DENND1A: variants seen among roughly 807,000 people sequenced by gnomAD.
DENND1A encodes DENN domain containing 1A, also known as DENN domain-containing protein 1A.
Under a neutral mutation model 113.7 loss-of-function variants are expected in DENND1A, and 51 were observed. That is an observed-to-expected ratio of 0.45 (90% CI 0.36 to 0.57). The LOEUF is 0.57. Ranked by LOEUF, DENND1A falls within the 20% of genes least tolerant of loss-of-function variation. The pLI is 0.00. For missense variants in DENND1A, 1,258 were observed against 1,395.9 expected, an observed-to-expected ratio of 0.90 and a Z score of 1.57; for synonymous variants, 565 against 570.8, an observed-to-expected ratio of 0.99 and a Z score of 0.14.
intron 1 of DENND1A, among the ~76,000 whole-genome samples, chr9:123,903,525 C>A (rs981234135): frequency 3.9e-5 from 6 of 151,994 alleles, no homozygotes; most frequent in Admixed American, 1.3e-4. Context: ...GCACCGTGCA[C>A]GAGCTGAAGC....
At chr9:123,839,121 G>A (rs1222576121) in intron 2 of DENND1A, among the ~76,000 whole-genome samples, 1 of 152,200 alleles carries the variant, frequency 6.6e-6, no homozygotes, top group Non-Finnish European at 1.5e-5. Flanking sequence ...AAAAGTGTCT[G>A]TTAACGGTGG....
At chr9:123,674,671 A>C (rs943964132) in intron 6 of DENND1A, among the ~76,000 whole-genome samples, 10 of 152,202 alleles carry the variant, frequency 6.6e-5, no homozygotes, top group African/African-American at 1.2e-4. Context: ...CCGACATCCC[A>C]AGAGGCAGAG....
intron 12 of DENND1A, 92 bp downstream of exon 12, chr9:123,583,077 G>T: frequency 3.2e-6 from 3 of 931,932 alleles, no homozygotes; most frequent in Non-Finnish European, 4.9e-6. Context: ...GAAAACCCTC[G>T]CTATTTCCCC....
intron 5 of DENND1A, among the ~76,000 whole-genome samples, chr9:123,748,712 A>G (rs2069740613): frequency 6.6e-6 from 1 of 152,218 alleles, no homozygotes; most frequent in Non-Finnish European, 1.5e-5. Context: ...GGCTCAGATA[A>G]ATGCCTTCTG....
At chr9:123,552,019 GAGAGAGAGAGAGAGAGAGAC>G (rs1478364031) in intron 13 of DENND1A, among the ~76,000 whole-genome samples, 1 of 124,220 alleles carries the variant, frequency 8.1e-6, no homozygotes, top group Admixed American at 7.4e-5. Context: ...GAGCGAGAGC[GAGAGAGAGAGAGAGAGAGAC>G]AGAGAGAGAG....
At chr9:123,481,137 A>G (rs555403120) in intron 13 of DENND1A, among the ~76,000 whole-genome samples, 1 of 152,354 alleles carries the variant, frequency 6.6e-6, no homozygotes, top group Non-Finnish European at 1.5e-5. Context: ...CAGCATGTTC[A>G]TGCAGAGAAG....
chr9:123,852,813 G>A (rs936179597), intron 2 of DENND1A, among the ~76,000 whole-genome samples: 1 of 151,978 alleles, frequency 6.6e-6, no homozygotes, highest in African/African-American at 2.4e-5. Context: ...GCCTGACACA[G>A]CTCAAAAACA....
intron 5 of DENND1A, among the ~76,000 whole-genome samples, chr9:123,680,951 T>C (rs1449765169): frequency 6.6e-6 from 1 of 151,888 alleles, no homozygotes. Context: ...CAGACTCAGG[T>C]GAGGGGAGGA....
In DENND1A at chr9:123,907,530, C is replaced by T. The variant is rs879297425; in HGVS notation, c.17+22359G>A. Among the ~76,000 whole-genome samples the T allele has an allele frequency of 2.2e-5, 3 of 139,516 alleles. No individual in the cohort carries two copies. In the East Asian group the frequency reaches 6.6e-4, roughly 31 times the overall value. The allele number at this position is 139,516 out of a possible 152,430, so 91.5% of individuals were successfully genotyped here. A position where few individuals can be genotyped will look rare whatever the true frequency, so the allele number is the denominator to read the frequency against. On this transcript the variant is annotated intron_variant, in intron 1 of 23. Coordinates refer to ENST00000394215, the MANE Select transcript of DENND1A (RefSeq NM_001352964.2). ...ATACAAAATCAATGTACAAAAATCA[C>T]AAGCATTCTTATACACCAATAACAG...
chr9:123,492,520 A>C (rs2051464340), intron 13 of DENND1A: 1 of 152,314 alleles, frequency 6.6e-6, no homozygotes, highest in Non-Finnish European at 1.5e-5. Flanking sequence ...CCAGGTTGTG[A>C]AGGTCTTGGA....
chr9:123,460,647 C>G (rs573617356), intron 13 of DENND1A, among the ~76,000 whole-genome samples: 1 of 152,354 alleles, frequency 6.6e-6, no homozygotes, highest in South Asian at 2.1e-4. Context: ...TGTGAATTGT[C>G]TCACGCTCAC....
intron 13 of DENND1A, 41 bp from the exon 14 acceptor site, chr9:123,457,938 G>A: frequency 6.8e-7 from 1 of 1,467,154 alleles, no homozygotes; most frequent in Non-Finnish European, 9.4e-7. Context: ...GTGGCACGGA[G>A]CAAGAGCCAT....
chr9:123,855,270 G>A (rs927783368), intron 2 of DENND1A, among the ~76,000 whole-genome samples: 2 of 151,052 alleles, frequency 1.3e-5, no homozygotes, highest in African/African-American at 5.0e-5. Flanking sequence ...ATTATAATAC[G>A]ATATGCAGGG....
intron 10 of DENND1A, among the ~76,000 whole-genome samples, chr9:123,615,640 G>T (rs774366757): frequency 3.9e-5 from 6 of 152,194 alleles, no homozygotes; most frequent in Non-Finnish European, 7.3e-5. Flanking sequence ...AAGCCATGCT[G>T]CCTGCCTCTC....
At chr9:123,806,332 C>T (rs776133185) in intron 2 of DENND1A, among the ~76,000 whole-genome samples, 1 of 151,638 alleles carries the variant, frequency 6.6e-6, no homozygotes, top group African/African-American at 2.4e-5. Flanking sequence ...CTTGGCTCAC[C>T]GCAACCTCTG....
At chr9:123,752,447 T>G (rs1378212097) in intron 5 of DENND1A, among the ~76,000 whole-genome samples, 1 of 152,244 alleles carries the variant, frequency 6.6e-6, no homozygotes, top group African/African-American at 2.4e-5. Context: ...GTAAGGACAG[T>G]TACTCAATCT....
At chr9:123,626,226 T>C (rs2061206761) in intron 10 of DENND1A, among the ~76,000 whole-genome samples, 1 of 151,984 alleles carries the variant, frequency 6.6e-6, no homozygotes. Context: ...ATCTGGCGTG[T>C]GGTGTGTATG....
rs1341254803 is a variant in DENND1A at position 123,381,834 on chromosome 9, G to A, written c.2811C>T (p.Gly937=). Residue 937 remains glycine (G), a synonymous_variant, in exon 24 of 24, where the codon GGC becomes GGT. Coordinates refer to ENST00000394215, the MANE Select transcript of DENND1A (RefSeq NM_001352964.2). This position sits in a 1 kb window ranked among gnomAD's most constrained non-coding sequence, Gnocchi z 4.7. ...GCTGAGACCTGTGAGGGGCACAGAA[G>A]CCAGCACTGGACAGCAGGAGGCCGG... The part of the protein sequence containing the change: ...FASGLLLSSA[G]FCAPHRSQPN... 3 of 1,496,290 alleles carry A rather than the reference G, an allele frequency of 2.0e-6. No individual in the cohort carries two copies. In the Admixed American group the frequency reaches 7.3e-5, roughly 36 times the overall value. The allele number at this position is 1,496,290 out of a possible 1,614,324, so 92.7% of individuals were successfully genotyped here.
intron 8 of DENND1A, among the ~76,000 whole-genome samples, chr9:123,664,835 G>T (rs572578814): frequency 4.6e-5 from 7 of 152,138 alleles, no homozygotes; most frequent in Non-Finnish European, 7.4e-5. Flanking sequence ...TTTAGTACAT[G>T]ATCAGTTCTT....
Sources: allele counts gnomAD v4.1 joint callset (sites outside exome capture counted in the v4.1 genomes callset), GRCh38; gene constraint gnomAD v4.1.1; non-coding constraint Gnocchi (gnomAD v3.1); transcripts MANE v1.5; gene names NCBI Gene and HGNC (gene_info 2026-07-23, HGNC 2026-07-21).